Variants in SYNCRIP observed in about 807,000 individuals in gnomAD.
SYNCRIP encodes synaptotagmin binding cytoplasmic RNA interacting protein.
SYNCRIP carries 9 observed loss-of-function variants against 68.9 expected under a neutral mutation model. The observed-to-expected ratio is 0.13, with a 90% CI of 0.08 to 0.23. SYNCRIP has a LOEUF of 0.23. SYNCRIP is among the 10% of genes least tolerant of loss of function. The pLI is 1.00. For missense variants in SYNCRIP, 414 were observed against 770.6 expected, an observed-to-expected ratio of 0.54 and a Z score of 5.48; for synonymous variants, 258 against 254.0, an observed-to-expected ratio of 1.02 and a Z score of -0.15.
intron 4 of SYNCRIP, 96 bp from the exon 5 acceptor site, chr6:85,637,452 A>C: frequency 1.3e-6 from 1 of 789,374 alleles, no homozygotes; most frequent in South Asian, 1.8e-5. Context: ...CTTTCCAATT[A>C]TCTTGGCATG....
At position 85,622,472 on chromosome 6, in the gene SYNCRIP, C is replaced by A; in HGVS notation, c.1008+10G>T. ...CCCTCAAAAAATATTTTTAACTTGA[C>A]TATCATTACCTTTGCCATAACCTCA... On this transcript the variant is annotated intron_variant, in intron 8 of 10. Transcript: ENST00000369622. 1.2e-6 allele frequency: 2 copies of A among 1,606,946 alleles called. No individual in the cohort carries two copies. The highest frequency in any genetic ancestry group is 8.5e-7 in the Non-Finnish European group (1 of 1,174,914).
chr6:85,642,193 G>C (rs2128306453), intron 1 of SYNCRIP, among the ~76,000 whole-genome samples: 1 of 152,232 alleles, frequency 6.6e-6, no homozygotes, highest in East Asian at 1.9e-4. Flanking sequence ...GGCGGCGCCA[G>C]GCCACAGGCT....
chr6:85,631,473 C>T (rs1222940333), intron 6 of SYNCRIP, among the ~76,000 whole-genome samples: 1 of 151,936 alleles, frequency 6.6e-6, no homozygotes, highest in Admixed American at 6.6e-5. Context: ...TTTTTCAGCA[C>T]AGGAATGCTG....
upstream of SYNCRIP, chr6:85,643,798 C>T (rs1477983523): frequency 6.6e-6 from 1 of 152,152 alleles, no homozygotes; most frequent in Admixed American, 6.5e-5. Flanking sequence ...GCCGCGTAGC[C>T]GTTCCAGGCG....
intron 8 of SYNCRIP, 40 bp downstream of exon 8, chr6:85,622,442 T>C (rs576159581): frequency 1.5e-6 from 2 of 1,292,412 alleles, no homozygotes; most frequent in South Asian, 1.2e-5. Context: ...CCTTCTCCCA[T>C]TAATCCCTCA....
chr6:85,643,007 T>G (rs1221992345), upstream of SYNCRIP: 1 of 51,846 alleles, frequency 1.9e-5, no homozygotes. Flanking sequence ...CCCCCTTCCC[T>G]TCCCTTCCCT....
chr6:85,625,408 A>T (rs907745783), intron 6 of SYNCRIP, among the ~76,000 whole-genome samples: 2 of 150,742 alleles, frequency 1.3e-5, no homozygotes, highest in African/African-American at 4.9e-5. Context: ...TTTCTGAGAC[A>T]GAGTCTTGCT....
At position 85,641,457 on chromosome 6, in the gene SYNCRIP, C is replaced by T. The variant is rs376181732; in HGVS notation, c.-12-6G>A. ...GTAGCCATGTTTCCAGAGATCTGTT[C>T]AAACGCAATAAGCAAAATTAAACTA... is the stretch of plus-strand genomic sequence containing the variant. On this transcript the variant is annotated splice_polypyrimidine_tract_variant and splice_region_variant and intron_variant, in intron 1 of 10. Coordinates refer to ENST00000369622, the MANE Select transcript of SYNCRIP (RefSeq NM_006372.5). The T allele has an allele frequency of 6.2e-6, 10 of 1,601,790 alleles. No homozygotes were observed. Among genetic ancestry groups the T allele is most frequent in the African/African-American group, 1.3e-5 (1 of 74,324 alleles).
intron 4 of SYNCRIP, among the ~76,000 whole-genome samples, chr6:85,639,235 A>C (rs1808849221): frequency 6.6e-6 from 1 of 151,962 alleles, no homozygotes; most frequent in South Asian, 2.1e-4. Context: ...AACAAACAAA[A>C]AATTAAGCCA....
At chr6:85,625,456 C>A (rs1326139101) in intron 6 of SYNCRIP, among the ~76,000 whole-genome samples, 1 of 151,412 alleles carries the variant, frequency 6.6e-6, no homozygotes, top group African/African-American at 2.4e-5. Flanking sequence ...GGCACTATCT[C>A]GGCTCACTGC....
At chr6:85,621,120 G>C (rs1254097771) in intron 8 of SYNCRIP, among the ~76,000 whole-genome samples, 1 of 152,170 alleles carries the variant, frequency 6.6e-6, no homozygotes, top group Non-Finnish European at 1.5e-5. Flanking sequence ...AATACCATCT[G>C]AATGTGTTAA....
rs74296867 is a variant in SYNCRIP at position 85,616,642 on chromosome 6, C to A, written c.1281-1295G>T. Among the ~76,000 whole-genome samples the A allele has an allele frequency of 3.9e-4, 60 of 152,300 alleles. No homozygotes were observed. In the East Asian group the frequency reaches 0.011, roughly 27 times the overall value. ...GGATTACAGGCATGAGCCACCACGC[C>A]CGGCCTTATTTTATCCTGAATTATT... On this transcript the variant is annotated intron_variant, in intron 10 of 10. Coordinates refer to ENST00000369622, the MANE Select transcript of SYNCRIP (RefSeq NM_006372.5).
Position 85,637,095 on chromosome 6 carries a change from G to C in SYNCRIP, c.538C>G (p.Pro180Ala). ...PRDLFEDELV[P>A]LFEKAGPIWD... is the part of the protein sequence containing the mutation. ...ATAGGTCCAGCTTTCTCAAATAATG[G>C]AACAAGTTCATCCTCAAATAGATCT... The change falls in exon 6 of 11, where the codon CCA (proline) becomes GCA (alanine). Residue 180 changes from proline to alanine, a missense_variant. Physicochemically the swap from Pro to Ala is conservative, Grantham distance 27. Transcript: ENST00000369622. The C allele has an allele frequency of 6.2e-7, 1 of 1,613,728 alleles. No homozygotes were observed. The highest frequency in any genetic ancestry group is 8.5e-7 in the Non-Finnish European group (1 of 1,179,928).
chr6:85,629,885 G>A (rs561001832), intron 6 of SYNCRIP, among the ~76,000 whole-genome samples: 8 of 151,582 alleles, frequency 5.3e-5, no homozygotes, highest in African/African-American at 1.7e-4. Flanking sequence ...TCGGGAGGCC[G>A]AGGCAGCAGA....
At chr6:85,624,971 C>G (rs1806873660) in intron 6 of SYNCRIP, among the ~76,000 whole-genome samples, 2 of 152,164 alleles carry the variant, frequency 1.3e-5, no homozygotes, top group African/African-American at 4.8e-5. Flanking sequence ...ACACGTGGAG[C>G]TACACAAACT....
chr6:85,612,421 T>G (rs2128275750), downstream of SYNCRIP: 1 of 152,862 alleles, frequency 6.5e-6, no homozygotes, highest in East Asian at 1.9e-4. Flanking sequence ...ATGATTAACC[T>G]TGGTGAGCAG....
At chr6:85,627,465 C>A (rs761240605) in intron 6 of SYNCRIP, among the ~76,000 whole-genome samples, 4 of 151,750 alleles carry the variant, frequency 2.6e-5, no homozygotes, top group African/African-American at 9.7e-5. Flanking sequence ...TTTTTTTGTA[C>A]GTGTATTTGA....
At chr6:85,631,419 AG>A (rs1807773198) in intron 6 of SYNCRIP, among the ~76,000 whole-genome samples, 1 of 151,548 alleles carries the variant, frequency 6.6e-6, no homozygotes, top group South Asian at 2.1e-4. Flanking sequence ...GTGGGGAAAG[AG>A]GTAAGAAGGA....
intron 4 of SYNCRIP, among the ~76,000 whole-genome samples, chr6:85,638,286 T>TGCTTAAAC (rs1218431312): frequency 1.4e-5 from 2 of 144,588 alleles, no homozygotes; most frequent in East Asian, 4.1e-4. Flanking sequence ...GGCAGAGAAC[T>TGCTTAAAC]GCTTAAACGC....
Sources: allele counts gnomAD v4.1 joint callset (sites outside exome capture counted in the v4.1 genomes callset), GRCh38; gene constraint gnomAD v4.1.1; transcripts MANE v1.5; gene names NCBI Gene and HGNC (gene_info 2026-07-23, HGNC 2026-07-21).